Variants in PLCB1 observed in about 807,000 individuals in gnomAD.
PLCB1 encodes the protein phospholipase C beta 1.
A neutral mutation model predicts 161.8 loss-of-function variants in PLCB1; 46 were observed. That is an observed-to-expected ratio of 0.28 (90% CI 0.22 to 0.36). The LOEUF is 0.36. Among genes scored for constraint, PLCB1 ranks in the 10% least tolerant of loss-of-function variants. PLCB1 has a pLI of 1.00. For missense variants in PLCB1, 1,016 were observed against 1,472.5 expected, an observed-to-expected ratio of 0.69 and a Z score of 5.07; for synonymous variants, 517 against 503.7, an observed-to-expected ratio of 1.03 and a Z score of -0.35.
At position 8,871,668 on chromosome 20, in the gene PLCB1, T is replaced by C. The variant is rs530582772; in HGVS notation, c.3424-9954T>C. 4.6e-5 allele frequency among the ~76,000 whole-genome samples: 7 copies of C among 152,248 alleles called. No individual in the cohort carries two copies. The South Asian group carries it at 1.5e-3, about 32-fold the overall frequency. On this transcript the variant is annotated intron_variant, in intron 31 of 31. Coordinates refer to ENST00000338037, the MANE Select transcript of PLCB1 (RefSeq NM_015192.4). Reference sequence around the variant, plus strand: ...AAAATACCATTTATTGACAAATGCATCAAAATCAACAAAAAACCAGAATAT... The same window carrying C: ...AAAATACCATTTATTGACAAATGCACCAAAATCAACAAAAAACCAGAATAT...
chr20:8,702,033 T>A (rs1023778918), intron 11 of PLCB1, among the ~76,000 whole-genome samples: 3 of 152,220 alleles, frequency 2.0e-5, no homozygotes, highest in Non-Finnish European at 4.4e-5. Context: ...GTGTATCTGC[T>A]TTCAGTATGT....
At chr20:8,399,195 T>G (rs570399080) in intron 3 of PLCB1, among the ~76,000 whole-genome samples, 2 of 152,154 alleles carry the variant, frequency 1.3e-5, no homozygotes, top group South Asian at 4.2e-4. Context: ...TTTTTCTAAC[T>G]TACCGTTCTT....
intron 31 of PLCB1, among the ~76,000 whole-genome samples, chr20:8,814,577 A>ATG (rs10670728): frequency 0.5 from 72,468 of 144,858 alleles, 18,108 homozygotes; most frequent in Admixed American, 0.59. Context: ...ATGTACTTGC[A>ATG]TGTGTGTGTG....
chr20:8,485,043 A>G (rs1262626849), intron 3 of PLCB1, among the ~76,000 whole-genome samples: 1 of 152,238 alleles, frequency 6.6e-6, no homozygotes, highest in Admixed American at 6.5e-5. Context: ...CCCAGGGAAT[A>G]ATAATTTGAA....
chr20:8,136,396 G>A (rs1364001254), intron 1 of PLCB1, among the ~76,000 whole-genome samples: 1 of 152,182 alleles, frequency 6.6e-6, no homozygotes. Flanking sequence ...GGAAGCCGAG[G>A]CGGGCAGATC....
intron 2 of PLCB1, among the ~76,000 whole-genome samples, chr20:8,229,041 C>T (rs952381916): frequency 6.6e-6 from 1 of 152,124 alleles, no homozygotes; most frequent in African/African-American, 2.4e-5. Context: ...CATGCACCCT[C>T]CCCGCTACTC....
chr20:8,206,635 TTTTTCA>T (rs1253296321), intron 2 of PLCB1, among the ~76,000 whole-genome samples: 2 of 152,122 alleles, frequency 1.3e-5, no homozygotes, highest in Non-Finnish European at 2.9e-5. Context: ...GCTAACATAC[TTTTTCA>T]TTATTTTTAT....
intron 2 of PLCB1, among the ~76,000 whole-genome samples, chr20:8,241,574 G>T (rs1336344565): frequency 6.6e-6 from 1 of 151,932 alleles, no homozygotes; most frequent in Non-Finnish European, 1.5e-5. Flanking sequence ...GCACCGAGTA[G>T]AGGCAAGGAG....
intron 1 of PLCB1, among the ~76,000 whole-genome samples, chr20:8,149,700 T>A (rs990195369): frequency 1.3e-5 from 2 of 152,164 alleles, no homozygotes; most frequent in African/African-American, 4.8e-5. Flanking sequence ...ATAATTACAA[T>A]GTATCCAAGT....
intron 3 of PLCB1, among the ~76,000 whole-genome samples, chr20:8,556,930 A>G (rs1411371776): frequency 6.6e-6 from 1 of 151,548 alleles, no homozygotes; most frequent in East Asian, 1.9e-4. Flanking sequence ...TCAAAACCAC[A>G]ATGAGATACC....
intron 9 of PLCB1, among the ~76,000 whole-genome samples, chr20:8,668,869 CT>C (rs1484705464): frequency 6.6e-6 from 1 of 152,204 alleles, no homozygotes; most frequent in Non-Finnish European, 1.5e-5. Context: ...TCCCACCTCA[CT>C]TTGCAGCTTT....
chr20:8,288,346 G>T (rs1415140158), intron 2 of PLCB1, among the ~76,000 whole-genome samples: 1 of 152,190 alleles, frequency 6.6e-6, no homozygotes, highest in Non-Finnish European at 1.5e-5. Context: ...AAGAGGAGAA[G>T]TTACTATTTT....
At chr20:8,568,721 G>A (rs1387939884) in intron 3 of PLCB1, among the ~76,000 whole-genome samples, 1 of 151,940 alleles carries the variant, frequency 6.6e-6, no homozygotes, top group East Asian at 1.9e-4. Context: ...GTATTCTTAA[G>A]CACCTAAGTC....
chr20:8,754,249 C>A (rs901307233), intron 23 of PLCB1, among the ~76,000 whole-genome samples: 2 of 152,190 alleles, frequency 1.3e-5, no homozygotes, highest in African/African-American at 2.4e-5. Context: ...TTATTTGACT[C>A]AAATTGACAA....
chr20:8,352,852 T>C (rs1731837811), intron 2 of PLCB1, among the ~76,000 whole-genome samples: 1 of 152,168 alleles, frequency 6.6e-6, no homozygotes. Flanking sequence ...GCTAGAATGA[T>C]CCATGTAGAC....
rs1292543006 is a variant in PLCB1, at chr20:8,219,093, A to G, written c.177+68722A>G. Among the ~76,000 whole-genome samples the G allele has an allele frequency of 3.3e-5, 5 of 152,250 alleles. No homozygotes were observed. In the South Asian group the frequency reaches 6.2e-4, roughly 19 times the overall value. Reference sequence around the variant, plus strand: ...ACACCAATCCTAGCATTTGAATCCCAATGTAATGCACCTCCATCAATGTGT... The same window carrying G: ...ACACCAATCCTAGCATTTGAATCCCGATGTAATGCACCTCCATCAATGTGT... On this transcript the variant is annotated intron_variant, in intron 2 of 31. Transcript: ENST00000338037.
chr20:8,561,349 A>C (rs952910018), intron 3 of PLCB1, among the ~76,000 whole-genome samples: 1 of 151,984 alleles, frequency 6.6e-6, no homozygotes, highest in Non-Finnish European at 1.5e-5. Flanking sequence ...TTTGCAACTC[A>C]TGCAGGGGGA....
intron 2 of PLCB1, among the ~76,000 whole-genome samples, chr20:8,157,324 C>T (rs1248106343): frequency 3.3e-5 from 5 of 152,206 alleles, no homozygotes; most frequent in African/African-American, 1.2e-4. Flanking sequence ...TGGACACAAT[C>T]ATGGTTGCCT....
intron 3 of PLCB1, among the ~76,000 whole-genome samples, chr20:8,524,577 G>A (rs1600127243): frequency 6.6e-6 from 1 of 152,238 alleles, no homozygotes; most frequent in South Asian, 2.1e-4. Flanking sequence ...TAAGCAGGCA[G>A]CCATGTTCTG....
Sources: allele counts gnomAD v4.1 joint callset (sites outside exome capture counted in the v4.1 genomes callset), GRCh38; gene constraint gnomAD v4.1.1; transcripts MANE v1.5; gene names NCBI Gene and HGNC (gene_info 2026-07-23, HGNC 2026-07-21).